The following NREP variants were observed in gnomAD, a reference collection of about 807,000 sequenced individuals.
NREP encodes neuronal regeneration-related protein.
NREP carries 5 observed loss-of-function variants against 8.6 expected under a neutral mutation model. The observed-to-expected ratio is 0.58, with a 90% CI of 0.30 to 1.22. The LOEUF (loss-of-function observed/expected upper bound fraction) is 1.22, where lower values mean the gene tolerates loss of function less well. Among genes scored for constraint, NREP ranks in the 50% most tolerant of loss-of-function variants. The probability of loss-of-function intolerance (pLI) is 0.07; values close to 1 mark genes in which losing one functional copy is unlikely to be tolerated. For synonymous variants in NREP, 27 were observed against 28.0 expected (o/e 0.96, Z 0.11); for missense variants, 86 against 82.5 (o/e 1.04, Z -0.17).
chr5:111,804,869 C>G (rs371918545), intron 2 of NREP, among the ~76,000 whole-genome samples: 1 of 152,016 alleles, frequency 6.6e-6, no homozygotes, highest in Non-Finnish European at 1.5e-5. Flanking sequence ...GGTTTGGTGG[C>G]GGGCGCCTGC....
At chr5:111,938,087 T>A (rs1755731711) in intron 2 of NREP, among the ~76,000 whole-genome samples, 1 of 152,042 alleles carries the variant, frequency 6.6e-6, no homozygotes, top group South Asian at 2.1e-4. Flanking sequence ...CCTGTGTCCA[T>A]CCAGTCCTTC....
intron 2 of NREP, among the ~76,000 whole-genome samples, chr5:111,786,566 G>A (rs987652199): frequency 2.0e-5 from 3 of 152,120 alleles, no homozygotes; most frequent in African/African-American, 7.2e-5. Context: ...GACCAAGCCT[G>A]TCACATGTTT....
intron 2 of NREP, among the ~76,000 whole-genome samples, chr5:111,953,096 A>G (rs563072879): frequency 6.6e-6 from 1 of 152,244 alleles, no homozygotes; most frequent in African/African-American, 2.4e-5. Flanking sequence ...TATCTTACTA[A>G]GTAGCCCTCT....
At chr5:111,824,947 A>G (rs550199731) in intron 2 of NREP, among the ~76,000 whole-genome samples, 2 of 152,312 alleles carry the variant, frequency 1.3e-5, no homozygotes, top group South Asian at 2.1e-4. Context: ...TGCATTACAT[A>G]TATCGTCTAT....
chr5:111,906,634 G>A (rs762547958), intron 2 of NREP, among the ~76,000 whole-genome samples: 3 of 151,926 alleles, frequency 2.0e-5, no homozygotes, highest in Admixed American at 6.6e-5. Context: ...CTCACTCTAC[G>A]GGGCTCCCTA....
intron 2 of NREP, among the ~76,000 whole-genome samples, chr5:111,855,875 G>GA (rs139503871): frequency 6.4e-4 from 97 of 152,020 alleles, no homozygotes; most frequent in African/African-American, 1.7e-3. Flanking sequence ...CTTGGAGGGG[G>GA]AAAAAAAAGA....
chr5:111,909,515 T>G (rs954007335), intron 2 of NREP, among the ~76,000 whole-genome samples: 2 of 152,086 alleles, frequency 1.3e-5, no homozygotes, highest in Non-Finnish European at 2.9e-5. Context: ...GTTAGTGTAT[T>G]TAGCAGCTCA....
intron 3 of NREP, chr5:111,734,504 T>G (rs1373399533): frequency 2.4e-6 from 1 of 414,854 alleles, no homozygotes; most frequent in Non-Finnish European, 4.3e-6. Flanking sequence ...CTCTGCAAGA[T>G]TAAAAGTGAT....
At chr5:111,848,929 T>C (rs1206959195) in intron 2 of NREP, among the ~76,000 whole-genome samples, 1 of 152,176 alleles carries the variant, frequency 6.6e-6, no homozygotes, top group African/African-American at 2.4e-5. Context: ...TGGGGTCTTT[T>C]TCTCATTAGA....
intron 2 of NREP, among the ~76,000 whole-genome samples, chr5:111,936,561 T>C (rs2112608254): frequency 6.6e-6 from 1 of 152,238 alleles, no homozygotes; most frequent in Middle Eastern, 3.4e-3. Context: ...TCATCTTAAA[T>C]ATTTATATCT....
intron 2 of NREP, among the ~76,000 whole-genome samples, chr5:111,896,831 C>A (rs1399173793): frequency 6.6e-6 from 1 of 152,128 alleles, no homozygotes; most frequent in Admixed American, 6.6e-5. Flanking sequence ...CTATTAGACA[C>A]TGAGGTGGGG....
At chr5:111,850,298 T>C (rs535206160) in intron 2 of NREP, among the ~76,000 whole-genome samples, 1 of 152,286 alleles carries the variant, frequency 6.6e-6, no homozygotes, top group East Asian at 1.9e-4. Context: ...AAGGCTCTGT[T>C]CTACACTTCC....
intron 2 of NREP, among the ~76,000 whole-genome samples, chr5:111,895,775 C>CA (rs1374656078): frequency 6.6e-6 from 1 of 152,066 alleles, no homozygotes; most frequent in Non-Finnish European, 1.5e-5. Context: ...GTCATGACAA[C>CA]AAAAAATATT....
chr5:111,757,299 G>A (rs1254510124), upstream of NREP: 7 of 643,922 alleles, frequency 1.1e-5, no homozygotes, highest in South Asian at 7.0e-5. Context: ...GGAGGAGGGG[G>A]AAGGGAAACA....
chr5:111,766,512 C>T (rs896872192), intron 2 of NREP, among the ~76,000 whole-genome samples: 3 of 152,204 alleles, frequency 2.0e-5, no homozygotes, highest in African/African-American at 7.2e-5. Flanking sequence ...GAACCAAGAA[C>T]ACAAGCGTGA....
chr5:111,832,184 G>T (rs955884595), intron 2 of NREP, among the ~76,000 whole-genome samples: 1 of 152,040 alleles, frequency 6.6e-6, no homozygotes, highest in Non-Finnish European at 1.5e-5. Context: ...ACCTCAGTAG[G>T]TACAGAGGAA....
intron 2 of NREP, among the ~76,000 whole-genome samples, chr5:111,838,656 C>T: frequency 6.6e-6 from 1 of 151,996 alleles, no homozygotes; most frequent in Middle Eastern, 3.2e-3. Flanking sequence ...AAATTTCAGA[C>T]TTGCCAGTCC....
At chr5:111,913,327 G>T (rs977181758) in intron 2 of NREP, among the ~76,000 whole-genome samples, 1 of 151,992 alleles carries the variant, frequency 6.6e-6, no homozygotes, top group African/African-American at 2.4e-5. Flanking sequence ...AATTTTTCAG[G>T]TGTTTTTCAG....
intron 2 of NREP, among the ~76,000 whole-genome samples, chr5:111,796,757 A>G (rs776520567): frequency 1.3e-5 from 2 of 152,210 alleles, no homozygotes; most frequent in Non-Finnish European, 2.9e-5. Context: ...TAATTGCCTA[A>G]TATTTTGGTC....
Sources: allele counts gnomAD v4.1 joint callset (sites outside exome capture counted in the v4.1 genomes callset), GRCh38; gene constraint gnomAD v4.1.1; transcripts MANE v1.5; gene names NCBI Gene and HGNC (gene_info 2026-07-23, HGNC 2026-07-21).